Variants in MAD1L1 observed in about 807,000 individuals in gnomAD.
MAD1L1 encodes the protein mitotic spindle assembly checkpoint protein MAD1.
MAD1L1 carries 95 observed loss-of-function variants against 96.9 expected under a neutral mutation model. The observed-to-expected ratio is 0.98, with a 90% CI of 0.83 to 1.16. The LOEUF is 1.16. Among genes scored for constraint, MAD1L1 ranks in the 50% most tolerant of loss-of-function variants. The pLI is 0.00. For missense variants in MAD1L1, 1,007 were observed against 954.4 expected (o/e 1.06, Z -0.73); for synonymous variants, 473 against 396.6 (o/e 1.19, Z -2.29).
At chr7:2,208,290 G>T (rs1199071545) in intron 10 of MAD1L1, among the ~76,000 whole-genome samples, 2 of 151,788 alleles carry the variant, frequency 1.3e-5, no homozygotes, top group Non-Finnish European at 2.9e-5. Flanking sequence ...AAACCTCACG[G>T]TTTAGTCCTA....
At chr7:1,956,691 C>T (rs1320406387) in intron 16 of MAD1L1, among the ~76,000 whole-genome samples, 1 of 152,248 alleles carries the variant, frequency 6.6e-6, no homozygotes, top group Non-Finnish European at 1.5e-5. Context: ...CTTGGCATCT[C>T]CCACAGAGGA....
rs138364894 is a variant in MAD1L1 at position 2,161,829 on chromosome 7, C to T, written c.987-12591G>A. On this transcript the variant is annotated intron_variant, in intron 10 of 18. Transcript: ENST00000265854. ...CTGGGAGGTGAGGAGCATCTCTGAC[C>T]GGCCGCCCTGTCTGGGAAGTGAGGA... is the stretch of plus-strand genomic sequence containing the variant. Among the ~76,000 whole-genome samples, 469 of 151,348 alleles carry T rather than the reference C, an allele frequency of 3.1e-3. 8 individuals are homozygous for T. Among genetic ancestry groups the T allele is most frequent in the African/African-American group, 0.011 (458 of 41,184 alleles).
chr7:2,063,852 C>T (rs903545175), intron 12 of MAD1L1, among the ~76,000 whole-genome samples: 2 of 152,322 alleles, frequency 1.3e-5, no homozygotes, highest in Non-Finnish European at 1.5e-5. Context: ...CTCGGGGCAG[C>T]CAGCCTCCCT....
chr7:2,157,449 G>A (rs1457668324), intron 10 of MAD1L1, among the ~76,000 whole-genome samples: 24 of 152,232 alleles, frequency 1.6e-4, no homozygotes. Flanking sequence ...AAGCAGCACA[G>A]CATGCTCCCG....
intron 12 of MAD1L1, among the ~76,000 whole-genome samples, chr7:2,045,786 C>T (rs1335851653): frequency 5.9e-5 from 9 of 152,154 alleles, no homozygotes; most frequent in Admixed American, 3.9e-4. Context: ...CTGAGGAGCC[C>T]AGCCTCAGCC....
intron 11 of MAD1L1, among the ~76,000 whole-genome samples, chr7:2,110,430 A>T (rs1489721628): frequency 6.6e-6 from 1 of 152,158 alleles, no homozygotes; most frequent in Non-Finnish European, 1.5e-5. Flanking sequence ...CAGGGCTGTG[A>T]CTCGCACAGA....
intron 10 of MAD1L1, among the ~76,000 whole-genome samples, chr7:2,151,419 C>A (rs1246244160): frequency 6.6e-6 from 1 of 152,226 alleles, no homozygotes; most frequent in African/African-American, 2.4e-5. Context: ...GTCACTGGAC[C>A]TGAAACAGCA....
At chr7:1,934,980 CAAA>C (rs1778504234) in intron 17 of MAD1L1, among the ~76,000 whole-genome samples, 1 of 151,206 alleles carries the variant, frequency 6.6e-6, no homozygotes, top group Non-Finnish European at 1.5e-5. Flanking sequence ...AACAGATGGG[CAAA>C]CCCGAGACGG....
intron 18 of MAD1L1, among the ~76,000 whole-genome samples, chr7:1,852,498 G>A (rs562124609): frequency 1.1e-4 from 16 of 152,324 alleles, no homozygotes; most frequent in Admixed American, 5.2e-4. Flanking sequence ...CTCCCTGGGC[G>A]GAGAGGCTGG....
chr7:2,194,500 C>T (rs780121124), intron 10 of MAD1L1, among the ~76,000 whole-genome samples: 1 of 152,202 alleles, frequency 6.6e-6, no homozygotes, highest in Non-Finnish European at 1.5e-5. Flanking sequence ...GGTCCCACCT[C>T]CCAAGCAAAA....
intron 15 of MAD1L1, among the ~76,000 whole-genome samples, chr7:1,977,127 T>C (rs1780679309): frequency 6.6e-6 from 1 of 152,172 alleles, no homozygotes; most frequent in Non-Finnish European, 1.5e-5. Context: ...CCTCAGCCCT[T>C]GGGTGGTCAA....
intron 17 of MAD1L1, among the ~76,000 whole-genome samples, chr7:1,903,977 G>C (rs1194342951): frequency 1.6e-5 from 2 of 122,428 alleles, no homozygotes; most frequent in African/African-American, 5.7e-5. Flanking sequence ...ACTCATGATT[G>C]ATGAAGCACT....
At chr7:1,863,214 G>C (rs147357633) in intron 18 of MAD1L1, among the ~76,000 whole-genome samples, 1 of 152,412 alleles carries the variant, frequency 6.6e-6, no homozygotes, top group South Asian at 2.1e-4. Flanking sequence ...CTCCGAAGAC[G>C]GGGTTAGCGG....
intron 12 of MAD1L1, among the ~76,000 whole-genome samples, chr7:2,066,231 G>C (rs867977377): frequency 6.6e-6 from 1 of 152,202 alleles, no homozygotes; most frequent in Middle Eastern, 3.2e-3. Flanking sequence ...AGCCCTCCTG[G>C]GTGCGCCTTG....
At chr7:1,978,290 G>T (rs1252688105) in intron 15 of MAD1L1, among the ~76,000 whole-genome samples, 2 of 152,198 alleles carry the variant, frequency 1.3e-5, no homozygotes, top group East Asian at 3.9e-4. Context: ...AGGCCTCCAG[G>T]CCCGCTGCTC....
rs557092967 is a variant in MAD1L1, at chr7:2,073,560, G to A, written c.1074-4222C>T. ...CCCGATCCGCTGGCTCCCCGAATAC[G>A]CCTGCTCTTCCTCCGCCACTCTCGC... On this transcript the variant is annotated intron_variant, in intron 11 of 18. Coordinates refer to ENST00000265854, the MANE Select transcript of MAD1L1 (RefSeq NM_001013836.2). Among the ~76,000 whole-genome samples, 11 of 152,234 alleles carry A rather than the reference G, an allele frequency of 7.2e-5. No homozygotes were observed. The South Asian group carries it at 1.7e-3, about 23-fold the overall frequency.
intron 10 of MAD1L1, among the ~76,000 whole-genome samples, chr7:2,195,472 T>C (rs1791939681): frequency 6.6e-6 from 1 of 152,202 alleles, no homozygotes; most frequent in South Asian, 2.1e-4. Flanking sequence ...TGTGTCAAAA[T>C]GTCCTCCAAA....
At chr7:2,189,827 G>A (rs779201403) in intron 10 of MAD1L1, among the ~76,000 whole-genome samples, 2 of 152,086 alleles carry the variant, frequency 1.3e-5, no homozygotes, top group Admixed American at 6.6e-5. Context: ...ACAACAAATC[G>A]GGGAAAAGAA....
At chr7:1,980,800 G>A (rs1583985645) in intron 14 of MAD1L1, 1 of 593,446 alleles carries the variant, frequency 1.7e-6, no homozygotes, top group East Asian at 3.8e-5. Flanking sequence ...TGAGGTGTGT[G>A]GGGTGCATGT....
Sources: gnomAD v4.1 joint callset for allele counts (sites outside exome capture counted in the v4.1 genomes callset) on GRCh38, gnomAD v4.1.1 for gene constraint, MANE v1.5 for transcripts, NCBI Gene and HGNC (gene_info 2026-07-23, HGNC 2026-07-21) for gene names.